Variants in LIN9 observed in about 807,000 individuals in gnomAD.
LIN9 encodes lin-9 DREAM MuvB core complex component, also known as protein lin-9 homolog.
A neutral mutation model predicts 78.0 loss-of-function variants in LIN9; 18 were observed. The observed-to-expected ratio is 0.23, with a 90% CI of 0.16 to 0.34. The LOEUF (loss-of-function observed/expected upper bound fraction) is 0.34, where lower values mean the gene tolerates loss of function less well. Among genes scored for constraint, LIN9 ranks in the 10% least tolerant of loss-of-function variants. The probability of loss-of-function intolerance (pLI) is 1.00; values close to 1 mark genes in which losing one functional copy is unlikely to be tolerated. For synonymous variants in LIN9, 192 were observed against 215.2 expected, an observed-to-expected ratio of 0.89 and a Z score of 0.94; for missense variants, 451 against 644.1, an observed-to-expected ratio of 0.70 and a Z score of 3.25.
intron 7 of LIN9, among the ~76,000 whole-genome samples, chr1:226,269,581 G>C (rs1184191834): frequency 6.6e-6 from 1 of 152,160 alleles, no homozygotes; most frequent in Non-Finnish European, 1.5e-5. Context: ...CCACCAACGT[G>C]GTCGATGAGA....
intron 1 of LIN9, among the ~76,000 whole-genome samples, chr1:226,308,304 G>T (rs902086781): frequency 1.2e-4 from 18 of 152,050 alleles, no homozygotes; most frequent in African/African-American, 4.1e-4. Context: ...TAGATGTCAG[G>T]GTGAGTAAAC....
At chr1:226,272,970 C>A (rs1398899631) in intron 7 of LIN9, among the ~76,000 whole-genome samples, 1 of 152,094 alleles carries the variant, frequency 6.6e-6, no homozygotes. Context: ...TCATCACCCC[C>A]ACGACCTGGT....
intron 6 of LIN9, among the ~76,000 whole-genome samples, chr1:226,285,323 T>C (rs1311930746): frequency 6.6e-6 from 1 of 152,122 alleles, no homozygotes; most frequent in Non-Finnish European, 1.5e-5. Context: ...CTAAATAACA[T>C]ATCAAATTTT....
intron 11 of LIN9, 84 bp downstream of exon 11, chr1:226,250,755 A>G: frequency 2.8e-6 from 2 of 703,170 alleles, no homozygotes; most frequent in South Asian, 1.7e-5. Context: ...CCTTCCATAG[A>G]TATTTTTAAA....
intron 6 of LIN9, among the ~76,000 whole-genome samples, chr1:226,283,860 G>T (rs1388923001): frequency 6.6e-6 from 1 of 151,938 alleles, no homozygotes; most frequent in East Asian, 1.9e-4. Context: ...GGCTGAGGTA[G>T]GAGCTTAGGA....
chr1:226,258,468 C>CAAA (rs200742420), intron 10 of LIN9, among the ~76,000 whole-genome samples: 1 of 73,800 alleles, frequency 1.4e-5, no homozygotes, highest in Admixed American at 1.6e-4. Flanking sequence ...GACTTTGTCT[C>CAAA]AAAAAAAAAA....
rs139273205 is a variant in LIN9 at position 226,248,427 on chromosome 1, A to T, written c.1119+2412T>A. ...TTCTGTTTACTTCTTTTTGTACCTC[A>T]TATTCTATGTGCAATTATAAAGGAT... On this transcript the variant is annotated intron_variant, in intron 11 of 14. Coordinates refer to ENST00000681046, the MANE Select transcript of LIN9 (RefSeq NM_001366245.2). Among the ~76,000 whole-genome samples the T allele has an allele frequency of 1.5e-3, 222 of 152,266 alleles. 1 individual carries two copies. The highest frequency in any genetic ancestry group is 5.2e-3 in the African/African-American group (215 of 41,564).
rs1183594940 is a variant in LIN9 at position 226,268,120 on chromosome 1, G to C, written c.683-30C>G. The C allele has an allele frequency of 1.9e-6, 3 of 1,601,988 alleles. No homozygotes were observed. In the South Asian group the frequency reaches 3.4e-5, roughly 18 times the overall value. On this transcript the variant is annotated intron_variant, in intron 7 of 14. Transcript: ENST00000681046. ...GAAAAGAACAAAGGCATTATGATGT[G>C]TGGGAGATACAAAGAATAGTCAAAT...
chr1:226,281,180 A>G (rs1376586619), intron 6 of LIN9, among the ~76,000 whole-genome samples: 3 of 152,216 alleles, frequency 2.0e-5, no homozygotes, highest in African/African-American at 7.2e-5. Flanking sequence ...AAAAACAAGT[A>G]TAAGATGTTC....
At chr1:226,244,584 G>T (rs1410476530) in intron 11 of LIN9, among the ~76,000 whole-genome samples, 1 of 152,176 alleles carries the variant, frequency 6.6e-6, no homozygotes, top group Admixed American at 6.5e-5. Flanking sequence ...ATTTTCTTGT[G>T]TGGCTTACAG....
intron 10 of LIN9, among the ~76,000 whole-genome samples, chr1:226,261,898 G>A (rs1428751633): frequency 6.6e-6 from 1 of 152,186 alleles, no homozygotes; most frequent in Non-Finnish European, 1.5e-5. Context: ...AATCAAGACA[G>A]TGTGGTAGTG....
At chr1:226,279,016 C>A (rs1185885384) in intron 6 of LIN9, among the ~76,000 whole-genome samples, 1 of 151,042 alleles carries the variant, frequency 6.6e-6, no homozygotes, top group African/African-American at 2.4e-5. Flanking sequence ...AAAAAATTAG[C>A]AGGGCATGGC....
intron 2 of LIN9, among the ~76,000 whole-genome samples, 154 bp downstream of exon 2, chr1:226,301,019 T>C (rs147973248): frequency 1.4e-3 from 213 of 152,300 alleles, no homozygotes; most frequent in African/African-American, 4.5e-3. Flanking sequence ...AATTCTCCTA[T>C]AAAAGCATAT....
At chr1:226,295,220 C>A (rs1437891007) in intron 4 of LIN9, among the ~76,000 whole-genome samples, 1 of 151,572 alleles carries the variant, frequency 6.6e-6, no homozygotes, top group Non-Finnish European at 1.5e-5. Flanking sequence ...GAGGCCGAGG[C>A]GGGTAGATCA....
chr1:226,270,642 T>C (rs919086294), intron 7 of LIN9, among the ~76,000 whole-genome samples: 1 of 151,854 alleles, frequency 6.6e-6, no homozygotes, highest in African/African-American at 2.4e-5. Flanking sequence ...TGCAACATGG[T>C]GAAACCCCAT....
chr1:226,309,422 G>C (rs1663156505), upstream of LIN9: 1 of 998,014 alleles, frequency 1.0e-6, no homozygotes, highest in Admixed American at 6.1e-5. Flanking sequence ...CCCGGCGCCG[G>C]AGCGCGGGGG....
At chr1:226,278,798 T>A (rs184259543) in intron 6 of LIN9, among the ~76,000 whole-genome samples, 1,711 of 143,718 alleles carry the variant, frequency 0.012, 24 homozygotes, top group Non-Finnish European at 0.018. Flanking sequence ...CACTCCAGCC[T>A]GGGTGACAGA....
At chr1:226,269,959 C>G (rs910394817) in intron 7 of LIN9, among the ~76,000 whole-genome samples, 2 of 152,108 alleles carry the variant, frequency 1.3e-5, no homozygotes, top group Non-Finnish European at 2.9e-5. Context: ...AGTCTCGCTC[C>G]GTTGCCCAGG....
At chr1:226,246,897 G>A (rs995628754) in intron 11 of LIN9, among the ~76,000 whole-genome samples, 3 of 151,464 alleles carry the variant, frequency 2.0e-5, no homozygotes, top group Non-Finnish European at 4.4e-5. Flanking sequence ...GCCTTTTGAC[G>A]GTTTTGGAAC....
Sources: allele counts gnomAD v4.1 joint callset (sites outside exome capture counted in the v4.1 genomes callset), GRCh38; gene constraint gnomAD v4.1.1; transcripts MANE v1.5; gene names NCBI Gene and HGNC (gene_info 2026-07-23, HGNC 2026-07-21).